PLB1: variants seen among roughly 807,000 people sequenced by gnomAD.
PLB1 encodes phospholipase B1, membrane-associated.
PLB1 carries 242 observed loss-of-function variants against 227.4 expected under a neutral mutation model. The ratio of observed to expected loss-of-function variants is 1.06; its 90% confidence interval spans 0.96 to 1.18. PLB1 has a LOEUF of 1.18. Ranked by LOEUF, PLB1 falls within the 50% of genes most tolerant of loss-of-function variation. The pLI, the probability that PLB1 is intolerant of heterozygous loss-of-function variation, is 0.00. For missense variants in PLB1, 1,858 were observed against 1,816.3 expected (o/e 1.02, Z -0.42); for synonymous variants, 757 against 682.2 (o/e 1.11, Z -1.71).
intron 49 of PLB1, among the ~76,000 whole-genome samples, chr2:28,624,025 G>A (rs540370266): frequency 1.2e-4 from 19 of 152,262 alleles, no homozygotes; most frequent in Non-Finnish European, 2.4e-4. Flanking sequence ...TGAGCTCAGA[G>A]GGGTTGAGGC....
At chr2:28,636,601 G>C (rs1218795918) in intron 56 of PLB1, among the ~76,000 whole-genome samples, 2 of 152,076 alleles carry the variant, frequency 1.3e-5, no homozygotes, top group East Asian at 3.9e-4. Context: ...CAGTAGGATG[G>C]GTGAGTAAAC....
At chr2:28,541,185 T>TAAATAAATAAA (rs1553414256) in intron 12 of PLB1, among the ~76,000 whole-genome samples, 201 of 150,102 alleles carry the variant, frequency 1.3e-3, no homozygotes, top group East Asian at 2.7e-3. Flanking sequence ...AATAAATAAA[T>TAAATAAATAAA]TAAATAAATA....
chr2:28,542,714 A>G (rs543394636), intron 13 of PLB1, among the ~76,000 whole-genome samples: 13 of 152,148 alleles, frequency 8.5e-5, no homozygotes, highest in African/African-American at 2.6e-4. Flanking sequence ...CACCCAGACC[A>G]TGTAGCACTT....
chr2:28,536,255 A>G (rs959003725), intron 9 of PLB1, among the ~76,000 whole-genome samples: 1 of 152,224 alleles, frequency 6.6e-6, no homozygotes, highest in Non-Finnish European at 1.5e-5. Flanking sequence ...GCAACTATCC[A>G]TTAGGTGTGA....
At chr2:28,617,213 G>A (rs1434530003) in intron 44 of PLB1, among the ~76,000 whole-genome samples, 1 of 152,114 alleles carries the variant, frequency 6.6e-6, no homozygotes, top group African/African-American at 2.4e-5. Context: ...AGAAAAGACA[G>A]GCAGAAACCA....
intron 4 of PLB1, among the ~76,000 whole-genome samples, chr2:28,523,304 T>C (rs1669774784): frequency 6.6e-6 from 1 of 150,574 alleles, no homozygotes; most frequent in African/African-American, 2.4e-5. Flanking sequence ...AAAACCTAAA[T>C]AGGGTCATAC....
intron 41 of PLB1, among the ~76,000 whole-genome samples, chr2:28,605,132 A>G (rs1028614298): frequency 6.6e-6 from 1 of 152,242 alleles, no homozygotes; most frequent in Non-Finnish European, 1.5e-5. Context: ...GAACACAGCC[A>G]GCTCCAGATG....
At chr2:28,529,532 C>T in intron 7 of PLB1, 125 bp downstream of exon 7, 2 of 952,010 alleles carry the variant, frequency 2.1e-6, no homozygotes, top group African/African-American at 1.6e-5. Flanking sequence ...TAAGTCAAAG[C>T]CCAAATGCCC....
At position 28,585,756 on chromosome 2, in the gene PLB1, T is replaced by A; in HGVS notation, c.1734-5T>A. 1.3e-6 allele frequency: 2 copies of A among 1,599,164 alleles called. No homozygotes were observed. The highest frequency in any genetic ancestry group is 2.2e-5 in the South Asian group (2 of 90,792). On this transcript the variant is annotated splice_region_variant and splice_polypyrimidine_tract_variant and intron_variant, in intron 25 of 57. Transcript: ENST00000327757. ...ATGAGGGTTTCTCTTTGGTTTGGTC[T>A]ACAGGTCTCTGTGTCCCTGTGTCCT...
At chr2:28,600,612 A>G (rs1365096761) in intron 35 of PLB1, among the ~76,000 whole-genome samples, 197 bp from the exon 36 acceptor site, 1 of 152,224 alleles carries the variant, frequency 6.6e-6, no homozygotes, top group East Asian at 1.9e-4. Flanking sequence ...GGACAAACAC[A>G]TCATTGGCTT....
intron 53 of PLB1, among the ~76,000 whole-genome samples, chr2:28,630,003 C>G (rs1688372084): frequency 6.6e-6 from 1 of 152,188 alleles, no homozygotes; most frequent in Non-Finnish European, 1.5e-5. Flanking sequence ...GAACCCTGCT[C>G]TCTCGCAGGG....
Position 28,538,100 on chromosome 2 carries a change from T to A in PLB1, c.556-219T>A, listed in dbSNP as rs1386511600. Among the ~76,000 whole-genome samples, 3 of 152,166 alleles carry A rather than the reference T, an allele frequency of 2.0e-5. No individual in the cohort carries two copies. The South Asian group carries it at 6.2e-4, about 32-fold the overall frequency. ...TTTCACCTGTGGGGAGTTTGGTTTT[T>A]CCCAGGTGGATGATGGGTTGGGGAG... On this transcript the variant is annotated intron_variant, in intron 9 of 57. Transcript: ENST00000327757.
chr2:28,639,385 C>T (rs1411593169), intron 56 of PLB1, among the ~76,000 whole-genome samples: 1 of 151,840 alleles, frequency 6.6e-6, no homozygotes, highest in Non-Finnish European at 1.5e-5. Flanking sequence ...TCGTTGGTGG[C>T]CAGGGCCAGA....
chr2:28,592,774 C>G lies in PLB1; in HGVS notation c.2247+55C>G, dbSNP rs186488951. 5.3e-3 allele frequency: 8,120 copies of G among 1,544,828 alleles called. 32 individuals carry two copies. Among genetic ancestry groups the G allele is most frequent in the Non-Finnish European group, 5.9e-3 (6,666 of 1,122,206 alleles). ...GGGATAACTAGGCCAGCTCCAGATC[C>G]CAGTCCTCTTAACTTAAGGGTCTGC... On this transcript the variant is annotated intron_variant, in intron 32 of 57. Coordinates refer to ENST00000327757, the MANE Select transcript of PLB1 (RefSeq NM_153021.5).
chr2:28,521,683 G>A (rs935206910), intron 4 of PLB1, among the ~76,000 whole-genome samples: 2 of 152,160 alleles, frequency 1.3e-5, no homozygotes, highest in African/African-American at 4.8e-5. Context: ...GATCTGGATA[G>A]AAGAAGGTAG....
Position 28,617,714 on chromosome 2 carries a change from C to T in PLB1, c.3196-13C>T, listed in dbSNP as rs1230603445. ...GAGTGTTGGGCACTGAATCTTTTCT[C>T]CTGTTGATTTAGAACTGGGGCAGTG... On this transcript the variant is annotated splice_polypyrimidine_tract_variant and intron_variant, in intron 44 of 57. Coordinates refer to ENST00000327757, the MANE Select transcript of PLB1 (RefSeq NM_153021.5). 1 of 1,613,544 alleles carries T rather than the reference C, an allele frequency of 6.2e-7. No individual in the cohort carries two copies. Among genetic ancestry groups the T allele is most frequent in the African/African-American group, 1.3e-5 (1 of 74,898 alleles).
intron 26 of PLB1, 62 bp from the exon 27 acceptor site, chr2:28,589,388 A>T: frequency 1.6e-6 from 2 of 1,240,312 alleles, no homozygotes; most frequent in East Asian, 2.3e-5. Flanking sequence ...GAAAGAGATC[A>T]ATCAAGGACC....
Position 28,550,065 on chromosome 2 carries a change from A to T in PLB1, c.1064A>T (p.Lys355Ile). ...AGCAACTACCTGACCAGACTGCAGA[A>T]ACCCCAAGACAAGCTTGAGGTAAGG... ...RNSNYLTRLQKPQDKLEVREG... is the reference protein window; with the variant it reads ...RNSNYLTRLQIPQDKLEVREG... The change falls in exon 16 of 58, where the codon AAA becomes ATA. Residue 355 changes from lysine (K) to isoleucine (I), a missense_variant. Physicochemically the swap from Lys to Ile is moderately radical, Grantham distance 102. Coordinates refer to ENST00000327757, the MANE Select transcript of PLB1 (RefSeq NM_153021.5). 1 of 1,613,150 alleles carries T rather than the reference A, an allele frequency of 6.2e-7. No homozygotes were observed. The highest frequency in any genetic ancestry group is 8.5e-7 in the Non-Finnish European group (1 of 1,179,282).
intron 2 of PLB1, among the ~76,000 whole-genome samples, chr2:28,517,872 T>C (rs938207602): frequency 4.9e-5 from 7 of 143,782 alleles, no homozygotes; most frequent in African/African-American, 7.9e-5. Flanking sequence ...AACTTTCTCT[T>C]TTTTTTTTTT....
Sources: gnomAD v4.1 joint callset for allele counts (sites outside exome capture counted in the v4.1 genomes callset) on GRCh38, gnomAD v4.1.1 for gene constraint, MANE v1.5 for transcripts, NCBI Gene and HGNC (gene_info 2026-07-23, HGNC 2026-07-21) for gene names.